The following FGL1 variants were observed in gnomAD, a reference collection of about 807,000 sequenced individuals.
The protein encoded by FGL1 is fibrinogen-like protein 1.
FGL1 carries 59 observed loss-of-function variants against 43.7 expected under a neutral mutation model. The observed-to-expected ratio is 1.35, with a 90% CI of 1.10 to 1.68. FGL1 has a LOEUF of 1.68. Among genes scored for constraint, FGL1 ranks in the 40% most tolerant of loss-of-function variants. FGL1 has a pLI of 0.00. For synonymous variants in FGL1, 192 were observed against 126.5 expected (o/e 1.52, Z -3.48); for missense variants, 596 against 373.0 (o/e 1.60, Z -4.92).
Position 17,895,437 on chromosome 8 carries a change from A to C in FGL1, c.-18+10T>G. The stretch of plus-strand genomic sequence containing the variant: ...GCATGTCAAAAATGCAGAGACATTA[A>C]ATAACTTGCCTAAAGTCAGAAGTGA... On this transcript the variant is annotated intron_variant, in intron 1 of 7. Coordinates refer to ENST00000427924, the MANE Select transcript of FGL1 (RefSeq NM_004467.4). The C allele has an allele frequency of 7.8e-7, 1 of 1,283,722 alleles. No individual in the cohort carries two copies. Among genetic ancestry groups the C allele is most frequent in the South Asian group, 1.2e-5 (1 of 80,342 alleles). 79.5% of individuals were successfully genotyped at this position (1,283,722 alleles called of 1,614,324 possible).
intron 2 of FGL1, among the ~76,000 whole-genome samples, chr8:17,884,255 G>A (rs35718807): frequency 0.016 from 2,366 of 151,810 alleles, 59 homozygotes; most frequent in African/African-American, 0.054. Context: ...GCAGTGGTGC[G>A]ATCTCGGCTC....
chr8:17,879,284 T>C (rs2053500727), intron 3 of FGL1, among the ~76,000 whole-genome samples: 1 of 152,024 alleles, frequency 6.6e-6, no homozygotes, highest in Non-Finnish European at 1.5e-5. Context: ...GGCATCGTAA[T>C]TTCCAAGTAA....
At chr8:17,877,691 A>G (rs550176306) in intron 3 of FGL1, among the ~76,000 whole-genome samples, 1 of 152,302 alleles carries the variant, frequency 6.6e-6, no homozygotes, top group East Asian at 1.9e-4. Context: ...TATTTTGATA[A>G]AGGCATGCAA....
At chr8:17,892,757 G>C (rs745841192) in intron 1 of FGL1, among the ~76,000 whole-genome samples, 2 of 152,134 alleles carry the variant, frequency 1.3e-5, no homozygotes, top group Non-Finnish European at 2.9e-5. Flanking sequence ...TAATATTCAG[G>C]AGTCAAAAAT....
intron 2 of FGL1, 140 bp downstream of exon 2, chr8:17,885,352 A>G (rs2131736719): frequency 2.9e-6 from 2 of 695,328 alleles, no homozygotes; most frequent in Admixed American, 5.6e-5. Flanking sequence ...TGTGTCCAGT[A>G]TTTCTACCAG....
intron 2 of FGL1, chr8:17,882,806 C>T (rs187671465): frequency 0.05 from 5,536 of 111,154 alleles, 439 homozygotes; most frequent in African/African-American, 0.14. Flanking sequence ...ATATATTAAA[C>T]AATATATAAT....
At position 17,884,204 on chromosome 8, in the gene FGL1, T is replaced by C. The variant is rs1030426709; in HGVS notation, c.63+1288A>G. ...ATGATTCCTTCTCTCTCTCTCTCTC[T>C]TTCTTTCAACAGAGTCTTGCTCTGT... On this transcript the variant is annotated intron_variant, in intron 2 of 7. Coordinates refer to ENST00000427924, the MANE Select transcript of FGL1 (RefSeq NM_004467.4). Among the ~76,000 whole-genome samples the C allele has an allele frequency of 1.4e-4, 21 of 151,120 alleles. 1 individual carries two copies. Among genetic ancestry groups the C allele is most frequent in the Non-Finnish European group, 5.9e-5 (4 of 67,790 alleles).
At chr8:17,866,270 G>GAAGT (rs941027631) in intron 7 of FGL1, among the ~76,000 whole-genome samples, 19 of 152,148 alleles carry the variant, frequency 1.2e-4, no homozygotes, top group African/African-American at 4.6e-4. Flanking sequence ...CCTTGGTGAA[G>GAAGT]AAGTGGCTGT....
At chr8:17,873,532 C>A (rs1283961243) in intron 5 of FGL1, among the ~76,000 whole-genome samples, 1 of 152,010 alleles carries the variant, frequency 6.6e-6, no homozygotes, top group African/African-American at 2.4e-5. Flanking sequence ...AGCCACTAAG[C>A]TTTGGAAGAG....
rs1563457861 is a variant in FGL1, at chr8:17,882,959, A to AATATATTAAATAATATATAATATATC, written c.64-781_64-780insGATATATTATATATTATTTAATATAT. On this transcript the variant is annotated intron_variant, in intron 2 of 7. Coordinates refer to ENST00000427924, the MANE Select transcript of FGL1 (RefSeq NM_004467.4). ...ATATATTAAATAATATATAATATATATCATATATAATATATTAAATATATA... is the reference window on the plus strand; with the variant it reads ...ATATATTAAATAATATATAATATATAATATATTAAATAATATATAATATATCTCATATATAATATATTAAATATATA... 9.3e-4 allele frequency among the ~76,000 whole-genome samples: 47 copies of AATATATTAAATAATATATAATATATC among 50,532 alleles called. 1 individual carries two copies. The highest frequency in any genetic ancestry group is 4.9e-3 in the African/African-American group (46 of 9,326). 33.2% of individuals were successfully genotyped at this position (50,532 alleles called of 152,430 possible).
At chr8:17,875,535 C>CTTTCTTTCTCTCTCTCTCTTTCTT (rs1554564386) in intron 3 of FGL1, among the ~76,000 whole-genome samples, 1 of 25,456 alleles carries the variant, frequency 3.9e-5, no homozygotes, top group African/African-American at 1.4e-4. Flanking sequence ...TTCTTTCTTT[C>CTTTCTTTCTCTCTCTCTCTTTCTT]TCTTTCTTTC....
At chr8:17,887,524 A>G (rs1368777412) in intron 1 of FGL1, among the ~76,000 whole-genome samples, 1 of 152,200 alleles carries the variant, frequency 6.6e-6, no homozygotes, top group Non-Finnish European at 1.5e-5. Flanking sequence ...ATTAGTCATG[A>G]CTTAACCCTT....
intron 7 of FGL1, among the ~76,000 whole-genome samples, chr8:17,867,409 G>T (rs955915640): frequency 6.6e-6 from 1 of 152,068 alleles, no homozygotes; most frequent in African/African-American, 2.4e-5. Context: ...AATCTTTTGG[G>T]TGTAGGAAGG....
At chr8:17,875,153 A>T (rs1373990772) in intron 3 of FGL1, among the ~76,000 whole-genome samples, 1 of 152,196 alleles carries the variant, frequency 6.6e-6, no homozygotes, top group African/African-American at 2.4e-5. Context: ...CTGAAAATGA[A>T]CCCAAAATAG....
Position 17,875,495 on chromosome 8 carries a change from CTTTCT to C in FGL1, c.245-979_245-975del. On this transcript the variant is annotated intron_variant, in intron 3 of 7. Transcript: ENST00000427924. ...AAAAGTGATATCTCTTTCTTTCTTT[CTTTCT>C]TTCTTTCTTTCTTTCTTTCTTTCTT... 1.5e-3 allele frequency among the ~76,000 whole-genome samples: 10 copies of C among 6,584 alleles called. 1 individual carries two copies. Among genetic ancestry groups the C allele is most frequent in the African/African-American group, 4.6e-3 (9 of 1,976 alleles). 4.3% of individuals were successfully genotyped at this position (6,584 alleles called of 152,430 possible).
At chr8:17,871,107 G>T (rs764220023) in intron 5 of FGL1, among the ~76,000 whole-genome samples, 8 of 152,064 alleles carry the variant, frequency 5.3e-5, no homozygotes, top group Non-Finnish European at 8.8e-5. Flanking sequence ...CCTTGCCCCA[G>T]GGAGCTCTCT....
chr8:17,886,989 A>G (rs2053637879), intron 1 of FGL1, among the ~76,000 whole-genome samples: 1 of 152,138 alleles, frequency 6.6e-6, no homozygotes, highest in Admixed American at 6.5e-5. Context: ...CAGCCAGGTG[A>G]ATGCTGCTTC....
intron 2 of FGL1, among the ~76,000 whole-genome samples, chr8:17,883,397 T>C (rs2053579106): frequency 8.7e-6 from 1 of 114,650 alleles, no homozygotes; most frequent in Non-Finnish European, 1.6e-5. Context: ...ATAATAATAA[T>C]ATATAATATA....
chr8:17,871,796 G>GT (rs952836806), intron 5 of FGL1, among the ~76,000 whole-genome samples: 4 of 152,112 alleles, frequency 2.6e-5, no homozygotes, highest in Non-Finnish European at 5.9e-5. Flanking sequence ...TGAAAAACAC[G>GT]TTTTTTCTCC....
Sources: allele counts gnomAD v4.1 joint callset (sites outside exome capture counted in the v4.1 genomes callset), GRCh38; gene constraint gnomAD v4.1.1; transcripts MANE v1.5; gene names NCBI Gene and HGNC (gene_info 2026-07-23, HGNC 2026-07-21).